The following R3HDM1 variants were observed in gnomAD, a reference collection of about 807,000 sequenced individuals.
The protein encoded by R3HDM1 is R3H domain-containing protein 1.
In R3HDM1, 46 loss-of-function variants were observed where a neutral mutation model predicts 141.1. The ratio of observed to expected loss-of-function variants is 0.33; its 90% CI spans 0.26 to 0.42. The LOEUF (loss-of-function observed/expected upper bound fraction) is 0.42. Among genes scored for constraint, R3HDM1 ranks in the 10% least tolerant of loss-of-function variants. R3HDM1 has a pLI of 1.00. For synonymous variants in R3HDM1, 435 were observed against 472.9 expected, an observed-to-expected ratio of 0.92 and a Z score of 1.04; for missense variants, 1,184 against 1,368.3, an observed-to-expected ratio of 0.87 and a Z score of 2.12.
chr2:135,630,049 G>A (rs866821934), intron 7 of R3HDM1, among the ~76,000 whole-genome samples: 140 of 149,682 alleles, frequency 9.4e-4, no homozygotes, highest in African/African-American at 3.0e-3. Flanking sequence ...TTTGAAAAAG[G>A]ATGATTTAAA....
intron 1 of R3HDM1, among the ~76,000 whole-genome samples, chr2:135,564,869 T>C (rs1409221483): frequency 1.3e-5 from 2 of 152,244 alleles, no homozygotes; most frequent in Admixed American, 6.5e-5. Context: ...ATTTTCTACA[T>C]TGCCTGGCAA....
chr2:135,679,725 G>C (rs2069900455), intron 20 of R3HDM1, among the ~76,000 whole-genome samples: 1 of 152,214 alleles, frequency 6.6e-6, no homozygotes. Flanking sequence ...TGGTAGTGCT[G>C]TGGCTAACAG....
chr2:135,645,613 C>A, intron 16 of R3HDM1, 86 bp downstream of exon 16: 6 of 1,441,454 alleles, frequency 4.2e-6, no homozygotes, highest in Non-Finnish European at 5.7e-6. Context: ...TTGAGATAGC[C>A]TAAGTATCTC....
chr2:135,651,952 G>A lies in R3HDM1; in HGVS notation c.1948G>A (p.Ala650Thr), dbSNP rs376693426. 40 of 1,613,454 alleles carry A rather than the reference G, an allele frequency of 2.5e-5. No individual in the cohort carries two copies. Among genetic ancestry groups the A allele is most frequent in the South Asian group, 2.2e-5 (2 of 91,008 alleles). The part of the protein sequence containing the change: ...PLPPGQPVPT[A>T]GYPASGHPVS... The stretch of plus-strand genomic sequence containing the variant: ...ACCACCTGGGCAGCCAGTCCCTACT[G>A]CTGGATATCCTGCCTCTGGTCATCC... The change falls in exon 18 of 27, where the codon GCT becomes ACT. Residue 650 changes from alanine (A) to threonine (T), a missense_variant. Ala to Thr is a moderately conservative substitution (Grantham distance 58, BLOSUM62 0). Coordinates refer to ENST00000683871, the MANE Select transcript of R3HDM1 (RefSeq NM_001378107.1).
intron 21 of R3HDM1, among the ~76,000 whole-genome samples, chr2:135,693,779 A>G (rs116720991): frequency 3.4e-3 from 524 of 152,286 alleles, no homozygotes; most frequent in Non-Finnish European, 4.9e-3. Context: ...AGGCTGAGGC[A>G]TGTGGATCAT....
At chr2:135,695,972 A>G (rs2105392527) in intron 21 of R3HDM1, among the ~76,000 whole-genome samples, 2 of 152,348 alleles carry the variant, frequency 1.3e-5, no homozygotes, top group Non-Finnish European at 2.9e-5. Flanking sequence ...TCGTGTGTAT[A>G]ATAAATCAAG....
chr2:135,588,274 C>T (rs980187573), intron 1 of R3HDM1, among the ~76,000 whole-genome samples: 2 of 151,974 alleles, frequency 1.3e-5, no homozygotes, highest in Non-Finnish European at 2.9e-5. Context: ...CTCCCTCTCT[C>T]ATCCTTTTGC....
intron 15 of R3HDM1, among the ~76,000 whole-genome samples, chr2:135,643,667 A>G (rs2064052771): frequency 6.6e-6 from 1 of 152,206 alleles, no homozygotes; most frequent in African/African-American, 2.4e-5. Context: ...TGTTAACGAT[A>G]TGATTATGGG....
At chr2:135,605,228 G>T in intron 3 of R3HDM1, 1 of 322,800 alleles carries the variant, frequency 3.1e-6, no homozygotes, top group Non-Finnish European at 5.6e-6. Context: ...ATTTGTATGT[G>T]GCTAGTGCAT....
At chr2:135,622,327 CGGA>C in intron 6 of R3HDM1, 1 of 984,702 alleles carries the variant, frequency 1.0e-6, no homozygotes, top group Non-Finnish European at 1.2e-6. Flanking sequence ...TTTTCACCCA[CGGA>C]GGCATTTTGA....
At chr2:135,662,496 G>A (rs1038585080) in intron 19 of R3HDM1, among the ~76,000 whole-genome samples, 1 of 152,176 alleles carries the variant, frequency 6.6e-6, no homozygotes, top group Non-Finnish European at 1.5e-5. Context: ...ACCCTTAGGA[G>A]TTGTCTCGTT....
intron 1 of R3HDM1, among the ~76,000 whole-genome samples, chr2:135,592,492 A>G (rs1032357856): frequency 1.3e-5 from 2 of 152,176 alleles, no homozygotes; most frequent in African/African-American, 4.8e-5. Context: ...AAGCATCTCT[A>G]AACAGATCAC....
Position 135,657,318 on chromosome 2 carries a change from G to A in R3HDM1, c.2029-3952G>A, listed in dbSNP as rs376160080. On this transcript the variant is annotated intron_variant, in intron 18 of 26. Coordinates refer to ENST00000683871, the MANE Select transcript of R3HDM1 (RefSeq NM_001378107.1). ...CCCAGCTACTCGGGAGACTGAGGCA[G>A]GATAATTGCTTGAACCTGGAAGGTG... 9.9e-5 allele frequency among the ~76,000 whole-genome samples: 15 copies of A among 151,612 alleles called. No homozygotes were observed. In the East Asian group the frequency reaches 2.7e-3, roughly 28 times the overall value.
intron 2 of R3HDM1, among the ~76,000 whole-genome samples, chr2:135,603,896 C>T (rs769298322): frequency 3.3e-5 from 5 of 152,168 alleles, no homozygotes; most frequent in Non-Finnish European, 5.9e-5. Flanking sequence ...CGTGACCCAC[C>T]GCAGCCGGCC....
intron 1 of R3HDM1, among the ~76,000 whole-genome samples, chr2:135,600,983 T>C (rs367627362): frequency 2.6e-4 from 40 of 152,348 alleles, no homozygotes; most frequent in Non-Finnish European, 3.1e-4. Context: ...TAGTACCTTA[T>C]TTATTTCTTA....
intron 1 of R3HDM1, among the ~76,000 whole-genome samples, chr2:135,578,409 A>G (rs945271947): frequency 6.6e-6 from 1 of 152,192 alleles, no homozygotes; most frequent in African/African-American, 2.4e-5. Flanking sequence ...ATTGGGAGTA[A>G]TGGGAATAAG....
rs766485867 is a variant in R3HDM1 at position 135,651,938 on chromosome 2, A to C, written c.1934A>C (p.Gln645Pro). The C allele has an allele frequency of 1.9e-6, 3 of 1,601,672 alleles. No homozygotes were observed. The highest frequency in any genetic ancestry group is 2.6e-6 in the Non-Finnish European group (3 of 1,173,682). The part of the protein sequence containing the change: ...PPPPPPLPPG[Q>P]PVPTAGYPAS... ...CCTCCTCCTCCCCTACCACCTGGGC[A>C]GCCAGTCCCTACTGCTGGATATCCT... Residue 645 changes from glutamine to proline, a missense_variant, in exon 18 of 27, where the codon CAG becomes CCG. Coordinates refer to ENST00000683871, the MANE Select transcript of R3HDM1 (RefSeq NM_001378107.1).
At chr2:135,613,320 A>G (rs2060713116) in intron 3 of R3HDM1, among the ~76,000 whole-genome samples, 1 of 152,198 alleles carries the variant, frequency 6.6e-6, no homozygotes, top group African/African-American at 2.4e-5. Context: ...GAGGCTGCTC[A>G]TAGTCCTCCT....
intron 1 of R3HDM1, among the ~76,000 whole-genome samples, chr2:135,539,169 C>T (rs767800944): frequency 3.3e-5 from 5 of 151,946 alleles, no homozygotes; most frequent in Admixed American, 6.6e-5. Context: ...TGACAGTTAA[C>T]TTCTGATTTT....
Sources: allele counts gnomAD v4.1 joint callset (sites outside exome capture counted in the v4.1 genomes callset), GRCh38; gene constraint gnomAD v4.1.1; transcripts MANE v1.5; gene names NCBI Gene and HGNC (gene_info 2026-07-23, HGNC 2026-07-21).